The following TMPRSS9 variants were observed in gnomAD, a reference collection of about 807,000 sequenced individuals.
The protein encoded by TMPRSS9 is transmembrane serine protease 9.
In TMPRSS9, 113 loss-of-function variants were observed where a neutral mutation model predicts 111.4. The observed-to-expected ratio is 1.01, with a 90% confidence interval of 0.87 to 1.19. The LOEUF (loss-of-function observed/expected upper bound fraction) is 1.19, where lower values mean the gene tolerates loss of function less well. TMPRSS9 is among the 50% of genes most tolerant of loss of function. The probability of loss-of-function intolerance (pLI) is 0.00; values close to 1 mark genes in which losing one functional copy is unlikely to be tolerated. For synonymous variants in TMPRSS9, 805 were observed against 659.1 expected (o/e 1.22, Z -3.39); for missense variants, 1,803 against 1,513.1 (o/e 1.19, Z -3.18).
At chr19:2,424,409 C>T (rs1971547549) in intron 15 of TMPRSS9, 152 bp downstream of exon 16, 1 of 844,086 alleles carries the variant, frequency 1.2e-6, no homozygotes, top group Middle Eastern at 3.7e-4. Context: ...CTCCCACCCC[C>T]CATCTCCCCA....
chr19:2,395,171 A>G (rs1299336163), intron 1 of TMPRSS9, among the ~76,000 whole-genome samples: 1 of 152,252 alleles, frequency 6.6e-6, no homozygotes, highest in Admixed American at 6.6e-5. Context: ...TAATCTCAGC[A>G]CTTCGGGAGG....
In TMPRSS9 at chr19:2,413,963, G is replaced by A. The variant is rs10153475; in HGVS notation, c.1518G>A (p.Ser506=). ...CTGTGGTCAGCACCCCCACCAAATC[G>A]ATGCAGGCCCTCAGTACCGTGCCTC... The change falls in exon 10 of 18, where the codon TCG becomes TCA. Residue 506 remains serine (S), a synonymous_variant. Transcript: ENST00000648592. 4.0e-5 allele frequency: 64 copies of A among 1,609,984 alleles called. No homozygotes were observed. The East Asian group carries it at 1.2e-3, about 30-fold the overall frequency.
intron 8 of TMPRSS9, 117 bp downstream of exon 9, chr19:2,408,747 C>T (rs899967058): frequency 3.8e-5 from 52 of 1,367,954 alleles, no homozygotes; most frequent in Non-Finnish European, 4.7e-5. Context: ...GAGGCCGAGG[C>T]GGGTGGATCA....
intron 4 of TMPRSS9, 52 bp from the exon 6 acceptor site, chr19:2,401,923 A>G: frequency 6.3e-7 from 1 of 1,576,790 alleles, no homozygotes; most frequent in Non-Finnish European, 8.7e-7. Context: ...GATGTGTTCA[A>G]AGGGTTTTAC....
intron 4 of TMPRSS9, among the ~76,000 whole-genome samples, chr19:2,401,216 G>A (rs1235242008): frequency 6.6e-6 from 1 of 152,128 alleles, no homozygotes; most frequent in Non-Finnish European, 1.5e-5. Context: ...GGAGCTTGAA[G>A]TGAGCCGAGA....
intron 6 of TMPRSS9, among the ~76,000 whole-genome samples, chr19:2,403,680 G>A (rs1252974984): frequency 1.3e-5 from 2 of 150,000 alleles, no homozygotes; most frequent in East Asian, 3.9e-4. Flanking sequence ...AATATAGTGA[G>A]ACCCCATCTC....
chr19:2,395,745 C>T (rs541120191), intron 1 of TMPRSS9, among the ~76,000 whole-genome samples: 3 of 151,974 alleles, frequency 2.0e-5, no homozygotes, highest in Non-Finnish European at 4.4e-5. Flanking sequence ...TGGTGGCTCA[C>T]GCCTGTAATC....
intron 13 of TMPRSS9, among the ~76,000 whole-genome samples, chr19:2,420,791 T>C (rs1048590359): frequency 9.8e-5 from 15 of 152,360 alleles, no homozygotes; most frequent in Middle Eastern, 3.4e-3. Context: ...ATATATTCAT[T>C]ATATTTGTTC....
chr19:2,379,437 G>A lies in TMPRSS9; in HGVS notation c.-25-10324G>A, dbSNP rs566224485. ...CCTGACCTCGTGTTCTGCCCGCCTC[G>A]GCCTCCCAAAGTGCTGGGATTACAG... On this transcript the variant is annotated intron_variant, in intron 1 of 17. Coordinates refer to the TMPRSS9 transcript ENST00000649857. Among the ~76,000 whole-genome samples the A allele has an allele frequency of 7.9e-5, 12 of 151,668 alleles. No individual in the cohort carries two copies. In the East Asian group the frequency reaches 9.7e-4, roughly 12 times the overall value.
chr19:2,415,544 G>A, intron 10 of TMPRSS9, 126 bp from the exon 12 acceptor site: 1 of 916,170 alleles, frequency 1.1e-6, no homozygotes, highest in Middle Eastern at 3.6e-4. Context: ...GGCTTCTTGT[G>A]TGGAACGGGA....
rs570630834 is a variant in TMPRSS9 at position 2,402,017 on chromosome 19, G to A, written c.556+1G>A. 1.2e-6 allele frequency: 2 copies of A among 1,608,782 alleles called. No individual in the cohort carries two copies. The highest frequency in any genetic ancestry group is 2.2e-5 in the East Asian group (1 of 44,604). ...TTGGCAGAAAGAGACTTCAAATCAGGTATGTTTTTCTCTCTGGCCTTTTCT... is the reference window on the plus strand; with the variant it reads ...TTGGCAGAAAGAGACTTCAAATCAGATATGTTTTTCTCTCTGGCCTTTTCT... On this transcript the variant is annotated splice_donor_variant, in intron 5 of 17. Coordinates refer to ENST00000648592, the Ensembl canonical transcript of TMPRSS9. LOFTEE classifies it high-confidence loss of function.
rs569208190 is a variant in TMPRSS9, at chr19:2,407,292, TGG to T, written c.843-1059_843-1058del. Among the ~76,000 whole-genome samples, 6 of 150,820 alleles carry T rather than the reference TGG, an allele frequency of 4.0e-5. No individual in the cohort carries two copies. The South Asian group carries it at 1.3e-3, about 32-fold the overall frequency. On this transcript the variant is annotated intron_variant, in intron 7 of 17. Transcript: ENST00000648592. Reference sequence around the variant, plus strand: ...ATCCCAGCACTTTGGGAGGCTGAGGTGGGGGGATCACTTGAGGTCAGGAGTTT... The same window carrying T: ...ATCCCAGCACTTTGGGAGGCTGAGGTGGGGATCACTTGAGGTCAGGAGTTT...
chr19:2,396,596 G>A (rs747274564), exon 2 of TMPRSS9: 9 of 1,611,712 alleles, frequency 5.6e-6, no homozygotes, highest in East Asian at 2.2e-5. Flanking sequence ...CGGGGAATCC[G>A]GTGGACCAGC....
chr19:2,379,329 G>T lies in TMPRSS9; in HGVS notation c.-25-10432G>T, dbSNP rs186855219. Among the ~76,000 whole-genome samples the T allele has an allele frequency of 8.6e-3, 1,302 of 151,902 alleles. 26 individuals are homozygous for T. Among genetic ancestry groups the T allele is most frequent in the African/African-American group, 0.029 (1,213 of 41,394 alleles). On this transcript the variant is annotated intron_variant, in intron 1 of 17. Transcript: ENST00000649857. Reference sequence around the variant, plus strand: ...GCCTCCCGAGTAGCTGGGACTACAGGTGCCCGCCACCACGCCTGGCTAATT... The same window carrying T: ...GCCTCCCGAGTAGCTGGGACTACAGTTGCCCGCCACCACGCCTGGCTAATT...
chr19:2,380,491 C>T (rs1357918755), intron 1 of TMPRSS9, among the ~76,000 whole-genome samples: 9 of 151,040 alleles, frequency 6.0e-5, no homozygotes, highest in East Asian at 1.9e-4. Flanking sequence ...ATCCCAGCTA[C>T]TGGGGAAGCT....
At chr19:2,363,906 G>A (rs554044930) in intron 1 of TMPRSS9, among the ~76,000 whole-genome samples, 2 of 151,778 alleles carry the variant, frequency 1.3e-5, no homozygotes, top group Non-Finnish European at 2.9e-5. Flanking sequence ...CTGTAAATGG[G>A]CATGCTGATA....
chr19:2,402,396 C>T (rs908505791), intron 5 of TMPRSS9, among the ~76,000 whole-genome samples: 10 of 150,948 alleles, frequency 6.6e-5, no homozygotes, highest in African/African-American at 2.4e-4. Flanking sequence ...GAGCTGAGAT[C>T]ACGCCACTGC....
In TMPRSS9 at chr19:2,403,217, G is replaced by T. The variant is rs1221957241; in HGVS notation, c.670+22G>T. Reference sequence around the variant, plus strand: ...TGCGGTCAGTCTGCCTGTCTGGCCTGGTCTCTGGGCCCCTTCCCTTTTCCA... The same window carrying T: ...TGCGGTCAGTCTGCCTGTCTGGCCTTGTCTCTGGGCCCCTTCCCTTTTCCA... On this transcript the variant is annotated intron_variant, in intron 6 of 17. Coordinates refer to ENST00000648592, the Ensembl canonical transcript of TMPRSS9. 1.9e-6 allele frequency: 3 copies of T among 1,569,578 alleles called. No individual in the cohort carries two copies. The East Asian group carries it at 6.8e-5, about 36-fold the overall frequency.
intron 1 of TMPRSS9, among the ~76,000 whole-genome samples, chr19:2,363,203 G>A (rs1028911309): frequency 2.6e-5 from 4 of 152,200 alleles, no homozygotes; most frequent in Non-Finnish European, 5.9e-5. Context: ...AGCATTCTTG[G>A]ACTGTCTAAA....
Sources: gnomAD v4.1 joint callset for allele counts (sites outside exome capture counted in the v4.1 genomes callset) on GRCh38, gnomAD v4.1.1 for gene constraint, MANE v1.5 for transcripts, NCBI Gene and HGNC (gene_info 2026-07-23, HGNC 2026-07-21) for gene names.